CNNM4: variants seen among roughly 807,000 people sequenced by gnomAD.
The protein encoded by CNNM4 is metal transporter CNNM4.
CNNM4 carries 32 observed loss-of-function variants against 53.7 expected under a neutral mutation model. The ratio of observed to expected loss-of-function variants is 0.60; its 90% confidence interval spans 0.45 to 0.80. CNNM4 has a LOEUF of 0.80. Among genes scored for constraint, CNNM4 ranks in the 30% least tolerant of loss-of-function variants. The pLI is 0.00. For synonymous variants in CNNM4, 410 were observed against 440.0 expected (o/e 0.93, Z 0.85); for missense variants, 784 against 1,022.0 (o/e 0.77, Z 3.17).
In CNNM4 at chr2:96,810,361, G is replaced by A. The variant is rs868333395; in HGVS notation, c.*844G>A. Reference sequence around the variant, plus strand: ...ACTCAAGTGTTAGGCAGGGTCTCAGGCCTTTGATTGCTCACCCCTGCTCCC... The same window carrying A: ...ACTCAAGTGTTAGGCAGGGTCTCAGACCTTTGATTGCTCACCCCTGCTCCC... On this transcript the variant is annotated 3_prime_UTR_variant, in exon 7 of 7. Transcript: ENST00000377075. The surrounding 1 kb of genome is among the most constrained non-coding windows in gnomAD (Gnocchi z 4.1). 2 of 152,654 alleles carry A rather than the reference G, an allele frequency of 1.3e-5. No individual in the cohort carries two copies. Among genetic ancestry groups the A allele is most frequent in the African/African-American group, 4.8e-5 (2 of 41,438 alleles). The allele number at this position is 152,654 out of a possible 1,614,324, so 9.5% of individuals were successfully genotyped here. A position where few individuals can be genotyped will look rare whatever the true frequency, so the allele number is the denominator to read the frequency against.
At chr2:96,790,003 ATTTTTTT>A (rs1014369887) in intron 1 of CNNM4, among the ~76,000 whole-genome samples, 4 of 61,730 alleles carry the variant, frequency 6.5e-5, no homozygotes, top group African/African-American at 1.3e-4. Flanking sequence ...CCGGGCTAGA[ATTTTTTT>A]TTTTTTTTTT....
At chr2:96,798,926 G>A in intron 3 of CNNM4, 131 bp from the exon 4 acceptor site, 1 of 897,712 alleles carries the variant, frequency 1.1e-6, no homozygotes, top group Non-Finnish European at 1.8e-6. Flanking sequence ...CAGAACGAGG[G>A]CCGGCCGAGC....
rs1041417863 is a variant in CNNM4, at chr2:96,800,787, G to A, written c.1948+1139G>A. ...CAGTGAAGCCTCAGAGGCCCGGTTA[G>A]GGCCCAGGCTCTGTCCGTTGACCCA... On this transcript the variant is annotated intron_variant, in intron 5 of 6. Transcript: ENST00000377075. The surrounding 1 kb of genome is among the most constrained non-coding windows in gnomAD (Gnocchi z 4.6). 6.6e-6 allele frequency among the ~76,000 whole-genome samples: 1 copy of A among 152,208 alleles called. No homozygotes were observed. Among genetic ancestry groups the A allele is most frequent in the African/African-American group, 2.4e-5 (1 of 41,450 alleles).
intron 1 of CNNM4, among the ~76,000 whole-genome samples, chr2:96,786,352 T>G (rs1371657010): frequency 2.7e-5 from 4 of 149,814 alleles, no homozygotes; most frequent in Non-Finnish European, 5.9e-5. Context: ...AGGCAGAGGC[T>G]GCAGTGAGCC....
rs191935608 is a variant in CNNM4 at position 96,804,778 on chromosome 2, C to T, written c.1949-3783C>T. On this transcript the variant is annotated intron_variant, in intron 5 of 6. Coordinates refer to ENST00000377075, the MANE Select transcript of CNNM4 (RefSeq NM_020184.4). ...CTTGAACTCCTGATGTTAGGTGATC[C>T]GCCCGCCTCAGCCTCCCAAAGTGCT... Among the ~76,000 whole-genome samples, 480 of 151,984 alleles carry T rather than the reference C, an allele frequency of 3.2e-3. 2 individuals carry two copies. Among genetic ancestry groups the T allele is most frequent in the African/African-American group, 9.8e-3 (408 of 41,516 alleles).
At chr2:96,783,445 C>T (rs1190281092) in intron 1 of CNNM4, among the ~76,000 whole-genome samples, 1 of 152,200 alleles carries the variant, frequency 6.6e-6, no homozygotes, top group East Asian at 1.9e-4. Flanking sequence ...TCCCAGGGAC[C>T]AGCGTCTGGG....
chr2:96,772,646 C>A (rs1348233444), intron 1 of CNNM4, among the ~76,000 whole-genome samples: 2 of 116,194 alleles, frequency 1.7e-5, no homozygotes, highest in Non-Finnish European at 3.5e-5. Flanking sequence ...CACAGGCAGG[C>A]GCTCACACAC....
intron 5 of CNNM4, among the ~76,000 whole-genome samples, chr2:96,805,435 T>A (rs1270899150): frequency 6.2e-4 from 87 of 139,668 alleles, no homozygotes; most frequent in Middle Eastern, 6.8e-3. Flanking sequence ...TTTTTTTTTT[T>A]TTTTATTATT....
At chr2:96,791,451 G>A (rs958500543) in intron 1 of CNNM4, among the ~76,000 whole-genome samples, 2 of 151,912 alleles carry the variant, frequency 1.3e-5, no homozygotes, top group Non-Finnish European at 1.5e-5. Context: ...GGCCAACATG[G>A]TGAAATTCCG....
At chr2:96,789,595 T>C (rs925640688) in intron 1 of CNNM4, among the ~76,000 whole-genome samples, 2 of 152,194 alleles carry the variant, frequency 1.3e-5, no homozygotes, top group African/African-American at 4.8e-5. Context: ...GAACCTTCTT[T>C]CTGGACCCCC....
intron 1 of CNNM4, among the ~76,000 whole-genome samples, chr2:96,795,908 A>G (rs954175757): frequency 3.3e-5 from 5 of 152,028 alleles, no homozygotes; most frequent in African/African-American, 1.2e-4. Context: ...GTGGCCTTCA[A>G]AAAGGGGTCT....
intron 1 of CNNM4, among the ~76,000 whole-genome samples, chr2:96,770,254 G>A (rs917855363): frequency 6.6e-6 from 1 of 152,206 alleles, no homozygotes; most frequent in Non-Finnish European, 1.5e-5. Flanking sequence ...CAAAGGTCTC[G>A]TATTTTTAAC....
chr2:96,806,846 A>G (rs550070591), intron 5 of CNNM4, among the ~76,000 whole-genome samples: 192 of 152,268 alleles, frequency 1.3e-3, no homozygotes, highest in Admixed American at 2.6e-3. Flanking sequence ...TCCTTATTCA[A>G]GATTGTTACA....
intron 1 of CNNM4, among the ~76,000 whole-genome samples, chr2:96,794,888 G>A (rs555255310): frequency 1.3e-5 from 2 of 152,300 alleles, no homozygotes; most frequent in South Asian, 4.1e-4. Flanking sequence ...CCATCTGGAA[G>A]GGGGTACAGG....
At chr2:96,805,299 CTG>C (rs1210799776) in intron 5 of CNNM4, among the ~76,000 whole-genome samples, 1 of 151,316 alleles carries the variant, frequency 6.6e-6, no homozygotes, top group Non-Finnish European at 1.5e-5. Context: ...AAACTATAAA[CTG>C]TAAACTAGGA....
intron 1 of CNNM4, among the ~76,000 whole-genome samples, chr2:96,769,709 A>C (rs1468763280): frequency 6.6e-6 from 1 of 152,148 alleles, no homozygotes; most frequent in African/African-American, 2.4e-5. Context: ...GGAGGGTCAG[A>C]TGGGGTGAAG....
At position 96,794,758 on chromosome 2, in the gene CNNM4, A is replaced by T. The variant is rs76517642; in HGVS notation, c.1403-2254A>T. 1.7e-4 allele frequency among the ~76,000 whole-genome samples: 26 copies of T among 152,198 alleles called. No individual in the cohort carries two copies. In the East Asian group the frequency reaches 4.4e-3, roughly 26 times the overall value. On this transcript the variant is annotated intron_variant, in intron 1 of 6. Coordinates refer to ENST00000377075, the MANE Select transcript of CNNM4 (RefSeq NM_020184.4). ...GAACCCTTGATTTTGTGACATCCTG[A>T]CCAACTGGCCCCCTGAAATGTACCC...
intron 1 of CNNM4, among the ~76,000 whole-genome samples, chr2:96,763,470 G>T (rs1442631730): frequency 1.3e-5 from 2 of 152,224 alleles, no homozygotes; most frequent in Non-Finnish European, 2.9e-5. Flanking sequence ...GAATGGGGGT[G>T]AGGGGCTCAT....
chr2:96,796,169 G>C (rs1354041004), intron 1 of CNNM4, among the ~76,000 whole-genome samples: 1 of 104,206 alleles, frequency 9.6e-6, no homozygotes, highest in Non-Finnish European at 1.8e-5. Flanking sequence ...TTTTGAGACA[G>C]AGTCTTGCTC....
Sources: allele counts gnomAD v4.1 joint callset (sites outside exome capture counted in the v4.1 genomes callset), GRCh38; gene constraint gnomAD v4.1.1; non-coding constraint Gnocchi (gnomAD v3.1); transcripts MANE v1.5; gene names NCBI Gene and HGNC (gene_info 2026-07-23, HGNC 2026-07-21).